The following ACVR1 variants were observed in gnomAD, a reference collection of about 807,000 sequenced individuals.
ACVR1 encodes the protein activin A receptor type 1.
ACVR1 carries 38 observed loss-of-function variants against 57.1 expected under a neutral mutation model. That is an observed-to-expected ratio of 0.67 (90% CI 0.51 to 0.87). The LOEUF (loss-of-function observed/expected upper bound fraction) is 0.87, where lower values mean the gene tolerates loss of function less well. Among genes scored for constraint, ACVR1 ranks in the 40% least tolerant of loss-of-function variants. The pLI is 0.00. For synonymous variants in ACVR1, 212 were observed against 228.1 expected (o/e 0.93, Z 0.63); for missense variants, 463 against 638.2 (o/e 0.73, Z 2.96).
At chr2:157,837,061 C>A (rs1364104028) in intron 1 of ACVR1, among the ~76,000 whole-genome samples, 1 of 152,198 alleles carries the variant, frequency 6.6e-6, no homozygotes, top group Non-Finnish European at 1.5e-5. Flanking sequence ...GCTACAGATA[C>A]CTACTTCCTA....
intron 1 of ACVR1, among the ~76,000 whole-genome samples, chr2:157,874,676 G>C (rs1295212217): frequency 6.6e-6 from 1 of 152,210 alleles, no homozygotes; most frequent in Non-Finnish European, 1.5e-5. Flanking sequence ...TGGGCTGTCA[G>C]AGCAATCTGC....
rs1025339183 is a variant in ACVR1, at chr2:157,750,543, A to C, written c.1264+10337T>G. 7.2e-5 allele frequency among the ~76,000 whole-genome samples: 11 copies of C among 152,226 alleles called. 1 individual carries two copies. The highest frequency in any genetic ancestry group is 7.2e-4 in the Admixed American group (11 of 15,290). On this transcript the variant is annotated intron_variant, in intron 9 of 10. Transcript: ENST00000434821. ...TAATCATATGGATACTACACTAGTG[A>C]ACACACCCAGAATCAAAACCAAAGC...
chr2:157,785,633 C>T (rs1686686160), intron 3 of ACVR1, among the ~76,000 whole-genome samples: 1 of 152,170 alleles, frequency 6.6e-6, no homozygotes, highest in Non-Finnish European at 1.5e-5. Flanking sequence ...CATTATAAAA[C>T]ACTCATTTAG....
rs1177191263 is a variant in ACVR1 at position 157,770,395 on chromosome 2, C to A, written c.763G>T (p.Val255Leu). 1 of 1,614,118 alleles carries A rather than the reference C, an allele frequency of 6.2e-7. No individual in the cohort carries two copies. Among genetic ancestry groups the A allele is most frequent in the African/African-American group, 1.3e-5 (1 of 75,042 alleles). ...AAGATATTTTCATGCCTCAGCATCA[C>A]AGTGTTGTACAATTCCGTTTCCCTG... ...WFRETELYNT[V>L]MLRHENILGF... The change falls in exon 7 of 11, where the codon GTG becomes TTG. Residue 255 changes from valine (V) to leucine (L), a missense_variant. By Grantham distance (32) the Val-to-Leu change is conservative. Around this residue, in one of 3 missense-constraint regions of ACVR1, gnomAD observed 114 missense variants for 216.2 expected, o/e 0.53. Transcript: ENST00000434821.
chr2:157,746,055 A>G (rs2105228295), intron 9 of ACVR1, among the ~76,000 whole-genome samples: 1 of 152,322 alleles, frequency 6.6e-6, no homozygotes, highest in East Asian at 1.9e-4. Context: ...CCATCACAAA[A>G]TAATCAAAGC....
intron 7 of ACVR1, among the ~76,000 whole-genome samples, chr2:157,768,503 G>A (rs1685957539): frequency 6.6e-6 from 1 of 151,978 alleles, no homozygotes; most frequent in Non-Finnish European, 1.5e-5. Context: ...AATAATAAAC[G>A]AATACATTTT....
intron 9 of ACVR1, among the ~76,000 whole-genome samples, chr2:157,747,083 C>G (rs904534052): frequency 6.6e-6 from 1 of 152,132 alleles, no homozygotes; most frequent in East Asian, 1.9e-4. Flanking sequence ...TTCAGAAACT[C>G]AAAGGATGTA....
At chr2:157,750,182 A>G (rs905679826) in intron 9 of ACVR1, among the ~76,000 whole-genome samples, 3 of 152,192 alleles carry the variant, frequency 2.0e-5, no homozygotes, top group African/African-American at 4.8e-5. Flanking sequence ...TGGAGGCCCA[A>G]TGGCTGGCCC....
At chr2:157,768,927 C>T (rs1685976185) in intron 7 of ACVR1, among the ~76,000 whole-genome samples, 1 of 152,180 alleles carries the variant, frequency 6.6e-6, no homozygotes, top group Non-Finnish European at 1.5e-5. Flanking sequence ...ATTGTTACTA[C>T]TGTTGCTATT....
chr2:157,813,279 C>T (rs1001605469), intron 2 of ACVR1, among the ~76,000 whole-genome samples: 3 of 151,778 alleles, frequency 2.0e-5, no homozygotes, highest in Non-Finnish European at 4.4e-5. Flanking sequence ...AACGGTTATC[C>T]CAGAAATAGA....
chr2:157,837,103 C>T (rs1350243504), intron 1 of ACVR1, among the ~76,000 whole-genome samples: 1 of 152,184 alleles, frequency 6.6e-6, no homozygotes, highest in Non-Finnish European at 1.5e-5. Flanking sequence ...CAGGATGTGG[C>T]ACAAAGATAA....
chr2:157,825,175 G>A (rs1688300593), intron 1 of ACVR1, among the ~76,000 whole-genome samples: 1 of 152,084 alleles, frequency 6.6e-6, no homozygotes, highest in South Asian at 2.1e-4. Flanking sequence ...AGCCTTTCTG[G>A]TTAACTGATG....
intron 5 of ACVR1, among the ~76,000 whole-genome samples, chr2:157,777,850 TTC>T (rs1195628438): frequency 1.3e-5 from 2 of 152,218 alleles, no homozygotes. Context: ...TAGGCAACCA[TTC>T]TCTGTCTCTT....
At chr2:157,871,363 C>T (rs1261921845) in intron 1 of ACVR1, among the ~76,000 whole-genome samples, 3 of 152,180 alleles carry the variant, frequency 2.0e-5, no homozygotes, top group African/African-American at 7.2e-5. Context: ...AGGGGCAATG[C>T]AGAGACCAGA....
chr2:157,860,475 C>T (rs1049467378), intron 1 of ACVR1, among the ~76,000 whole-genome samples: 8 of 152,198 alleles, frequency 5.3e-5, no homozygotes, highest in African/African-American at 1.9e-4. Context: ...ATGTGGAACA[C>T]CCTAGGGATA....
intron 2 of ACVR1, among the ~76,000 whole-genome samples, chr2:157,803,734 G>A (rs1687410396): frequency 6.6e-6 from 1 of 152,102 alleles, no homozygotes; most frequent in Admixed American, 6.5e-5. Flanking sequence ...TTCTGGGATT[G>A]CCTTACTCCA....
chr2:157,847,693 A>G (rs1483408381), intron 1 of ACVR1, among the ~76,000 whole-genome samples: 1 of 152,220 alleles, frequency 6.6e-6, no homozygotes, highest in East Asian at 1.9e-4. Flanking sequence ...CAAGAAAGAA[A>G]AACACTGAAA....
chr2:157,775,859 A>T (rs1365408595), intron 5 of ACVR1, among the ~76,000 whole-genome samples: 1 of 152,220 alleles, frequency 6.6e-6, no homozygotes, highest in Non-Finnish European at 1.5e-5. Context: ...CGTATATCCC[A>T]ACTCTCAGAT....
At chr2:157,855,185 G>A (rs1689466814) in intron 1 of ACVR1, among the ~76,000 whole-genome samples, 1 of 150,980 alleles carries the variant, frequency 6.6e-6, no homozygotes, top group Non-Finnish European at 1.5e-5. Context: ...GGAGGCCAAG[G>A]AGGGCAGACT....
Sources: gnomAD v4.1 joint callset for allele counts (sites outside exome capture counted in the v4.1 genomes callset) on GRCh38, gnomAD v4.1.1 for gene constraint, gnomAD v4.1.1 regional missense constraint, MANE v1.5 for transcripts, NCBI Gene and HGNC (gene_info 2026-07-23, HGNC 2026-07-21) for gene names.